Variants in TNR observed in about 807,000 individuals in gnomAD.
TNR encodes tenascin-R.
TNR carries 45 observed loss-of-function variants against 150.4 expected under a neutral mutation model. That is an observed-to-expected ratio of 0.30 (90% CI 0.24 to 0.38). The LOEUF (loss-of-function observed/expected upper bound fraction) is 0.38, where lower values mean the gene tolerates loss of function less well. TNR is among the 10% of genes least tolerant of loss of function. The pLI is 1.00. For synonymous variants in TNR, 687 were observed against 678.4 expected (o/e 1.01, Z -0.20); for missense variants, 1,544 against 1,759.1 (o/e 0.88, Z 2.19).
chr1:175,543,741 G>C (rs1571584855), intron 1 of TNR, among the ~76,000 whole-genome samples: 1 of 152,244 alleles, frequency 6.6e-6, no homozygotes, highest in Non-Finnish European at 1.5e-5. Context: ...TTATTAAAAA[G>C]GTTAATGTTA....
intron 2 of TNR, among the ~76,000 whole-genome samples, chr1:175,412,302 C>A (rs1289238691): frequency 6.6e-6 from 1 of 152,198 alleles, no homozygotes; most frequent in Non-Finnish European, 1.5e-5. Context: ...AGTCAACACT[C>A]TTCTCCCCCT....
At chr1:175,408,225 C>T (rs552465584) in intron 2 of TNR, among the ~76,000 whole-genome samples, 20 of 152,238 alleles carry the variant, frequency 1.3e-4, no homozygotes, top group Admixed American at 4.6e-4. Flanking sequence ...CGCTTCAGGA[C>T]GGCGAGAGTG....
At chr1:175,356,725 A>C (rs373235355) in intron 15 of TNR, among the ~76,000 whole-genome samples, 4 of 152,160 alleles carry the variant, frequency 2.6e-5, no homozygotes, top group African/African-American at 9.7e-5. Flanking sequence ...TATTAAGGAT[A>C]AATCTAGTCT....
intron 1 of TNR, among the ~76,000 whole-genome samples, chr1:175,663,241 C>T (rs536021990): frequency 3.3e-5 from 5 of 152,288 alleles, no homozygotes; most frequent in Non-Finnish European, 7.3e-5. Context: ...GGGACACTGC[C>T]CTCTCTTTTT....
chr1:175,339,592 T>C (rs890396157), intron 18 of TNR, among the ~76,000 whole-genome samples: 1 of 152,212 alleles, frequency 6.6e-6, no homozygotes, highest in African/African-American at 2.4e-5. Context: ...TGTCTGCCTT[T>C]CTTTCTCCCC....
rs1218275249 is a variant in TNR at position 175,338,077 on chromosome 1, G to A, written c.3383-398C>T. Among the ~76,000 whole-genome samples the A allele has an allele frequency of 4.8e-4, 73 of 152,194 alleles. 1 individual carries two copies. The highest frequency in any genetic ancestry group is 4.4e-5 in the Non-Finnish European group (3 of 68,028). On this transcript the variant is annotated intron_variant, in intron 18 of 22. Coordinates refer to ENST00000367674, the MANE Select transcript of TNR (RefSeq NM_003285.3). ...GGTAGTGATTGGTTACTCAGGCAAT[G>A]ATTACAGATGCATGGGCCAAAATAA...
intron 1 of TNR, among the ~76,000 whole-genome samples, chr1:175,533,267 C>T (rs965916077): frequency 5.3e-5 from 8 of 152,148 alleles, no homozygotes; most frequent in Admixed American, 6.5e-5. Flanking sequence ...TATTTCTTTA[C>T]GGGGTTGCTA....
At chr1:175,520,471 A>G (rs1659592520) in intron 2 of TNR, among the ~76,000 whole-genome samples, 1 of 152,184 alleles carries the variant, frequency 6.6e-6, no homozygotes, top group South Asian at 2.1e-4. Flanking sequence ...ACATACTCGT[A>G]TATTCACCCT....
At chr1:175,715,739 A>C (rs1667140740) in intron 1 of TNR, among the ~76,000 whole-genome samples, 1 of 152,182 alleles carries the variant, frequency 6.6e-6, no homozygotes, top group Admixed American at 6.5e-5. Context: ...CATCTTTGGG[A>C]TGGCTCAGAA....
intron 15 of TNR, 127 bp from the exon 16 acceptor site, chr1:175,356,589 T>C: frequency 9.1e-7 from 1 of 1,094,512 alleles, no homozygotes. Context: ...TTTCATAGGT[T>C]ATCTAGCTTA....
At chr1:175,425,258 G>T (rs1462672086) in intron 2 of TNR, among the ~76,000 whole-genome samples, 4 of 152,152 alleles carry the variant, frequency 2.6e-5, no homozygotes, top group Admixed American at 1.3e-4. Flanking sequence ...AATCTAGTCT[G>T]AGTGTACTAG....
intron 2 of TNR, among the ~76,000 whole-genome samples, chr1:175,454,544 C>A (rs1656475932): frequency 2.0e-5 from 3 of 152,200 alleles, no homozygotes; most frequent in African/African-American, 7.2e-5. Flanking sequence ...AATCTCGGCT[C>A]ACTGCAACCT....
chr1:175,649,494 G>A (rs531943303), intron 1 of TNR, among the ~76,000 whole-genome samples: 23 of 152,120 alleles, frequency 1.5e-4, no homozygotes, highest in African/African-American at 4.3e-4. Flanking sequence ...TCATCTCCTT[G>A]GGGGCAGACA....
intron 1 of TNR, among the ~76,000 whole-genome samples, chr1:175,559,603 CAT>C (rs1269868980): frequency 1.3e-5 from 2 of 152,076 alleles, no homozygotes; most frequent in Non-Finnish European, 2.9e-5. Flanking sequence ...CAGTATTGTA[CAT>C]GTTTTTAGAT....
intron 1 of TNR, among the ~76,000 whole-genome samples, chr1:175,657,965 G>C (rs1423530291): frequency 6.7e-6 from 1 of 149,438 alleles, no homozygotes. Context: ...GTGAAAGGGG[G>C]AATGGAGAGA....
At chr1:175,558,314 T>G (rs956922796) in intron 1 of TNR, among the ~76,000 whole-genome samples, 16 of 152,332 alleles carry the variant, frequency 1.1e-4, no homozygotes, top group Admixed American at 2.6e-4. Context: ...GGACAACTCT[T>G]TCTTTTTTAA....
intron 2 of TNR, among the ~76,000 whole-genome samples, chr1:175,493,603 C>T (rs1042072684): frequency 6.6e-6 from 1 of 152,260 alleles, no homozygotes; most frequent in Non-Finnish European, 1.5e-5. Flanking sequence ...AGGCCCCCTT[C>T]CGGACCCTTC....
chr1:175,550,100 A>G (rs1660878303), intron 1 of TNR, among the ~76,000 whole-genome samples: 1 of 152,234 alleles, frequency 6.6e-6, no homozygotes, highest in Non-Finnish European at 1.5e-5. Flanking sequence ...TTGCAAGATG[A>G]GAAACAGGTA....
rs915225406 is a variant in TNR, at chr1:175,355,774, G to A, written c.3119-141C>T. 3 of 1,162,498 alleles carry A rather than the reference G, an allele frequency of 2.6e-6. No homozygotes were observed. The African/African-American group carries it at 4.7e-5, about 18-fold the overall frequency. The allele number at this position is 1,162,498 out of a possible 1,614,324, so 72.0% of individuals were successfully genotyped here. ...GACCCCTGCTCTGGCTTGGAAAGGA[G>A]CATAAAGGGTGCTCCTGGGTCAGAT... is the stretch of plus-strand genomic sequence containing the variant. On this transcript the variant is annotated intron_variant, in intron 16 of 22. Transcript: ENST00000367674.
Sources: gnomAD v4.1 joint callset for allele counts (sites outside exome capture counted in the v4.1 genomes callset) on GRCh38, gnomAD v4.1.1 for gene constraint, MANE v1.5 for transcripts, NCBI Gene and HGNC (gene_info 2026-07-23, HGNC 2026-07-21) for gene names.